RAPGEF2: variants seen among roughly 807,000 people sequenced by gnomAD.
RAPGEF2 encodes the protein PDZ domain containing guanine nucleotide exchange factor (GEF) 1.
RAPGEF2 carries 54 observed loss-of-function variants against 186.7 expected under a neutral mutation model. The ratio of observed to expected loss-of-function variants is 0.29; its 90% CI spans 0.23 to 0.36. RAPGEF2 has a LOEUF of 0.36. Among genes scored for constraint, RAPGEF2 ranks in the 10% least tolerant of loss-of-function variants. The pLI is 1.00. For missense variants in RAPGEF2, 1,532 were observed against 2,045.0 expected, an observed-to-expected ratio of 0.75 and a Z score of 4.84; for synonymous variants, 712 against 705.9, an observed-to-expected ratio of 1.01 and a Z score of -0.14.
At chr4:159,344,962 A>G (rs1296592471) in intron 23 of RAPGEF2, 144 bp from the exon 24 acceptor site, 3 of 640,270 alleles carry the variant, frequency 4.7e-6, no homozygotes, top group African/African-American at 1.8e-5. Context: ...GTATTATTCT[A>G]TATTCCTGTG....
rs144641640 is a variant in RAPGEF2 at position 159,195,228 on chromosome 4, A to G, written c.197+1972A>G. On this transcript the variant is annotated intron_variant, in intron 3 of 29. Coordinates refer to ENST00000691494, the MANE Select transcript of RAPGEF2 (RefSeq NM_001394067.2). ...CTTAACATACTTATTCCCAGAAGAA[A>G]TGAAGATGTTAATAAAGTGTTATTT... 7.9e-5 allele frequency among the ~76,000 whole-genome samples: 12 copies of G among 152,368 alleles called. No individual in the cohort carries two copies. In the East Asian group the frequency reaches 2.3e-3, roughly 29 times the overall value.
intron 7 of RAPGEF2, among the ~76,000 whole-genome samples, 157 bp from the exon 8 acceptor site, chr4:159,304,185 G>A (rs936214679): frequency 2.6e-5 from 4 of 151,970 alleles, no homozygotes; most frequent in African/African-American, 9.7e-5. Context: ...TGTGATTTTG[G>A]GTAAATAAGA....
chr4:159,111,656 A>G (rs1029107662), intron 1 of RAPGEF2, among the ~76,000 whole-genome samples: 1 of 152,214 alleles, frequency 6.6e-6, no homozygotes, highest in African/African-American at 2.4e-5. Flanking sequence ...TTATGGTACT[A>G]TGGTGATTAT....
chr4:159,107,830 A>G (rs1738044572), intron 1 of RAPGEF2, among the ~76,000 whole-genome samples: 1 of 152,224 alleles, frequency 6.6e-6, no homozygotes, highest in African/African-American at 2.4e-5. Context: ...AATCTAATGG[A>G]AGAATTGTGT....
rs371704422 is a variant in RAPGEF2, at chr4:159,342,946, G to A, written c.2919-33G>A. 7 of 1,577,084 alleles carry A rather than the reference G, an allele frequency of 4.4e-6. No homozygotes were observed. The African/African-American group carries it at 9.5e-5, about 21-fold the overall frequency. On this transcript the variant is annotated intron_variant, in intron 20 of 29. Coordinates refer to ENST00000691494, the MANE Select transcript of RAPGEF2 (RefSeq NM_001394067.2). ...ATAATCTGTACACTATTTTACTTTA[G>A]TTGTTATACCATGTTTCTTTTTCTC...
intron 1 of RAPGEF2, among the ~76,000 whole-genome samples, chr4:159,148,836 T>A (rs1236290059): frequency 1.3e-5 from 2 of 152,270 alleles, no homozygotes; most frequent in Non-Finnish European, 2.9e-5. Context: ...ATTTGTTTTA[T>A]GTAATTTCTT....
intron 3 of RAPGEF2, among the ~76,000 whole-genome samples, chr4:159,197,623 G>A (rs775732332): frequency 6.6e-6 from 1 of 152,200 alleles, no homozygotes; most frequent in Non-Finnish European, 1.5e-5. Context: ...GTCTTTTAAA[G>A]CATTTTCATT....
At chr4:159,261,783 C>T (rs1756906043) in intron 7 of RAPGEF2, among the ~76,000 whole-genome samples, 1 of 152,112 alleles carries the variant, frequency 6.6e-6, no homozygotes, top group East Asian at 1.9e-4. Flanking sequence ...TGTACATTGG[C>T]TCAGAGAGAG....
At chr4:159,172,553 A>G (rs772525906) in intron 1 of RAPGEF2, among the ~76,000 whole-genome samples, 37 of 152,164 alleles carry the variant, frequency 2.4e-4, no homozygotes, top group African/African-American at 5.3e-4. Context: ...CAGAGTATCA[A>G]TGTTGTGAAG....
At chr4:159,276,846 C>CG (rs1758949211) in intron 7 of RAPGEF2, among the ~76,000 whole-genome samples, 1 of 147,340 alleles carries the variant, frequency 6.8e-6, no homozygotes, top group Admixed American at 6.7e-5. Flanking sequence ...GAAGTTTTTT[C>CG]AAAAAAAAAA....
chr4:159,288,934 C>G (rs545190299), intron 7 of RAPGEF2, among the ~76,000 whole-genome samples: 1 of 152,174 alleles, frequency 6.6e-6, no homozygotes, highest in African/African-American at 2.4e-5. Flanking sequence ...GTAATTTTCT[C>G]AGAGCAGCCT....
intron 4 of RAPGEF2, among the ~76,000 whole-genome samples, chr4:159,211,512 T>C (rs1206781722): frequency 6.6e-6 from 1 of 152,266 alleles, no homozygotes; most frequent in Non-Finnish European, 1.5e-5. Flanking sequence ...AATATTGTAA[T>C]GTCTTGTTGA....
chr4:159,210,682 G>A (rs1750434262), intron 4 of RAPGEF2, 99 bp downstream of exon 4: 3 of 880,386 alleles, frequency 3.4e-6, no homozygotes, highest in Admixed American at 4.6e-5. Context: ...GTTCTCTTCT[G>A]CTGATACAAA....
At chr4:159,266,319 G>GCA (rs1483534251) in intron 7 of RAPGEF2, among the ~76,000 whole-genome samples, 1 of 152,126 alleles carries the variant, frequency 6.6e-6, no homozygotes, top group Non-Finnish European at 1.5e-5. Context: ...ACACAAGTCA[G>GCA]CAAGCACTGA....
At position 159,330,397 on chromosome 4, in the gene RAPGEF2, A is replaced by T; in HGVS notation, c.1366A>T (p.Ile456Leu). ...GCATTCAGTAGTAGATCCAACATTC[A>T]TAGAAGACTTTCTGTTGACCTATAG... is the stretch of plus-strand genomic sequence containing the variant. The part of the protein sequence containing the change: ...EEHSVVDPTF[I>L]EDFLLTYRTF... The change falls in exon 13 of 30, where the codon ATA becomes TTA. Residue 456 changes from isoleucine (I) to leucine (L), a missense_variant. By Grantham distance (5) the Ile-to-Leu change is conservative (BLOSUM62 2). Transcript: ENST00000691494. The T allele has an allele frequency of 6.2e-7, 1 of 1,605,640 alleles. No individual in the cohort carries two copies. The highest frequency in any genetic ancestry group is 8.5e-7 in the Non-Finnish European group (1 of 1,177,926).
intron 8 of RAPGEF2, among the ~76,000 whole-genome samples, chr4:159,309,068 C>T (rs192815877): frequency 6.6e-6 from 1 of 152,290 alleles, no homozygotes; most frequent in African/African-American, 2.4e-5. Context: ...TTTGACTTCA[C>T]CCAGGACTGA....
At chr4:159,347,959 G>T (rs1730581086) in intron 25 of RAPGEF2, among the ~76,000 whole-genome samples, 1 of 152,168 alleles carries the variant, frequency 6.6e-6, no homozygotes, top group Non-Finnish European at 1.5e-5. Context: ...AGTGTCTCAT[G>T]CCTGTAATCC....
chr4:159,269,028 A>G lies in RAPGEF2; in HGVS notation c.543+25237A>G, dbSNP rs369539510. On this transcript the variant is annotated intron_variant, in intron 7 of 29. Coordinates refer to ENST00000691494, the MANE Select transcript of RAPGEF2 (RefSeq NM_001394067.2). ...TAGTCTAGGTATTTTTGAAATGCCT[A>G]CTTCTACATCCTAGCATCTAGCAGG... Among the ~76,000 whole-genome samples, 7 of 152,346 alleles carry G rather than the reference A, an allele frequency of 4.6e-5. No homozygotes were observed. The East Asian group carries it at 9.6e-4, about 21-fold the overall frequency.
chr4:159,106,818 C>A (rs534745397), intron 1 of RAPGEF2, among the ~76,000 whole-genome samples: 4 of 152,182 alleles, frequency 2.6e-5, no homozygotes, highest in Admixed American at 6.5e-5. Flanking sequence ...TAGAAGTAAT[C>A]CTGATGTCAT....
Sources: gnomAD v4.1 joint callset for allele counts (sites outside exome capture counted in the v4.1 genomes callset) on GRCh38, gnomAD v4.1.1 for gene constraint, MANE v1.5 for transcripts, NCBI Gene and HGNC (gene_info 2026-07-23, HGNC 2026-07-21) for gene names.